SLC9D1: variants seen among roughly 807,000 people sequenced by gnomAD.
The protein encoded by SLC9D1 is putative LAG1-interacting protein.
the SLC9D1 span, among the ~76,000 whole-genome samples, chr13:113,520,964 T>C: frequency 5.1e-4 from 78 of 152,148 alleles, no homozygotes; most frequent in African/African-American, 1.8e-3. Flanking sequence ...TTCCATCAAG[T>C]AGGGGTGGTA....
chr13:113,495,931 T>C, the SLC9D1 span: 23 of 1,613,980 alleles, frequency 1.4e-5, no homozygotes, highest in Non-Finnish European at 1.9e-5. Context: ...GTCTACGGAC[T>C]GCAGAGAGCC....
the SLC9D1 span, among the ~76,000 whole-genome samples, chr13:113,532,381 G>C: frequency 6.6e-6 from 1 of 152,192 alleles, no homozygotes; most frequent in South Asian, 2.1e-4. Context: ...GAAGAGTCTA[G>C]GGTAGGGACC....
the SLC9D1 span, among the ~76,000 whole-genome samples, chr13:113,507,023 G>T: frequency 6.6e-6 from 1 of 152,078 alleles, no homozygotes; most frequent in African/African-American, 2.4e-5. Context: ...ATGCGTGGAA[G>T]GACACTGGAT....
At chr13:113,503,413 ATAC>A in the SLC9D1 span, 1 of 949,100 alleles carries the variant, frequency 1.1e-6, no homozygotes, top group South Asian at 1.4e-5. Context: ...TCCACCGGGC[ATAC>A]TAGGGCATGA....
the SLC9D1 span, chr13:113,504,953 C>T: frequency 6.6e-6 from 1 of 152,188 alleles, no homozygotes; most frequent in Non-Finnish European, 1.5e-5. Flanking sequence ...CCCTGTTCCC[C>T]ACATCCCTGC....
the SLC9D1 span, among the ~76,000 whole-genome samples, chr13:113,492,304 G>A: frequency 6.6e-6 from 1 of 152,160 alleles, no homozygotes. Context: ...CCTGGTCTTA[G>A]GTAGAATTTG....
chr13:113,539,326 C>T, the SLC9D1 span: 3 of 1,604,626 alleles, frequency 1.9e-6, no homozygotes, highest in South Asian at 1.1e-5. This position sits in a 1 kb window ranked among gnomAD's most constrained non-coding sequence, Gnocchi z 4.8. Context: ...ACTGTGGGGT[C>T]TCATGTAAAG....
the SLC9D1 span, chr13:113,548,487 CG>C: frequency 1.3e-6 from 2 of 1,583,418 alleles, no homozygotes; most frequent in Non-Finnish European, 8.6e-7. Context: ...GCTTCTCGGG[CG>C]GCACGGGCTG....
chr13:113,534,540 G>A, the SLC9D1 span: 3 of 400,084 alleles, frequency 7.5e-6, no homozygotes, highest in African/African-American at 2.1e-5. Context: ...TGTAGTCCTA[G>A]CATGTGGGGA....
chr13:113,529,766 A>G, the SLC9D1 span: 20 of 152,376 alleles, frequency 1.3e-4, no homozygotes, highest in African/African-American at 4.8e-4. Flanking sequence ...TTTACCCGCA[A>G]GAAACAAAAA....
the SLC9D1 span, among the ~76,000 whole-genome samples, chr13:113,518,829 G>T: frequency 6.6e-6 from 1 of 152,194 alleles, no homozygotes; most frequent in African/African-American, 2.4e-5. Flanking sequence ...GTCATCGTCT[G>T]TTCAGACTGT....
At chr13:113,511,783 A>C in the SLC9D1 span, 1 of 152,428 alleles carries the variant, frequency 6.6e-6, no homozygotes, top group African/African-American at 2.4e-5. Context: ...CGGGACACCC[A>C]CACCTGTGAA....
chr13:113,499,990 G>A, the SLC9D1 span: 1 of 1,556,528 alleles, frequency 6.4e-7, no homozygotes, highest in Non-Finnish European at 8.7e-7. Context: ...CAGTTCTGAG[G>A]GTGGAGGAAG....
At chr13:113,536,650 A>G in the SLC9D1 span, 2 of 901,666 alleles carry the variant, frequency 2.2e-6, no homozygotes, top group Non-Finnish European at 2.7e-6. Context: ...CTCTCTGGGC[A>G]GCCCTCACCG....
the SLC9D1 span, chr13:113,498,283 A>G: frequency 1.6e-6 from 2 of 1,279,292 alleles, no homozygotes; most frequent in Non-Finnish European, 2.1e-6. Flanking sequence ...TGATTAAGAA[A>G]GTCATGTCCT....
chr13:113,548,120 A>G, the SLC9D1 span, among the ~76,000 whole-genome samples: 1 of 152,146 alleles, frequency 6.6e-6, no homozygotes, highest in Non-Finnish European at 1.5e-5. Context: ...GGATTATTTA[A>G]GAGGTTTTGC....
the SLC9D1 span, among the ~76,000 whole-genome samples, chr13:113,538,716 A>G: frequency 6.6e-6 from 1 of 151,942 alleles, no homozygotes; most frequent in African/African-American, 2.4e-5. Context: ...TGATGCTGCT[A>G]TCGTCTACAG....
At chr13:113,547,571 C>T in the SLC9D1 span, among the ~76,000 whole-genome samples, 2 of 152,160 alleles carry the variant, frequency 1.3e-5, no homozygotes, top group Admixed American at 6.5e-5. Flanking sequence ...CTGGGTTTGT[C>T]CATGTGATCG....
the SLC9D1 span, chr13:113,496,032 C>G: frequency 1.3e-5 from 21 of 1,589,898 alleles, no homozygotes; most frequent in Middle Eastern, 1.8e-4. Flanking sequence ...AAAGGTCAGT[C>G]CTAGAGAGGG....
Sources: gnomAD v4.1 joint callset for allele counts (sites outside exome capture counted in the v4.1 genomes callset) on GRCh38, gnomAD v4.1.1 for gene constraint, Gnocchi (gnomAD v3.1) non-coding constraint, MANE v1.5 for transcripts, NCBI Gene and HGNC (gene_info 2026-07-23, HGNC 2026-07-21) for gene names.